ATG2A: variants seen among roughly 807,000 people sequenced by gnomAD.
ATG2A encodes the protein autophagy related 2A, also known as autophagy-related protein 2 homolog A.
Under a neutral mutation model 214.2 loss-of-function variants are expected in ATG2A, and 103 were observed. That is an observed-to-expected ratio of 0.48 (90% CI 0.41 to 0.57). ATG2A has a LOEUF of 0.57. Among genes scored for constraint, ATG2A ranks in the 20% least tolerant of loss-of-function variants. The pLI, the probability that ATG2A is intolerant of heterozygous loss-of-function variation, is 0.00. For synonymous variants in ATG2A, 1,160 were observed against 1,142.1 expected (o/e 1.02, Z -0.32); for missense variants, 2,312 against 2,613.2 (o/e 0.88, Z 2.51).
chr11:64,909,121 C>A lies in ATG2A; in HGVS notation c.2234G>T (p.Ser745Ile), dbSNP rs780973598. 1 of 1,611,922 alleles carries A rather than the reference C, an allele frequency of 6.2e-7. No homozygotes were observed. Among genetic ancestry groups the A allele is most frequent in the Admixed American group, 1.7e-5 (1 of 59,922 alleles). The change falls in exon 16 of 41, where the codon AGC (serine) becomes ATC (isoleucine). Residue 745 changes from serine to isoleucine, a missense_variant. Physicochemically the swap from Ser to Ile is moderately radical, Grantham distance 142. Coordinates refer to ENST00000377264, the MANE Select transcript of ATG2A (RefSeq NM_015104.3). ...QVVVTVNPQS[S>I]STQWEVAPEK... ...CGGGGCCACCTCCCACTGTGTGCTG[C>A]TGGACTGGGGGTTCACAGTCACCAC... is the stretch of plus-strand genomic sequence containing the variant.
Position 64,895,335 on chromosome 11 carries a change from G to C in ATG2A, c.5535C>G (p.Ala1845=). The C allele has an allele frequency of 6.2e-7, 1 of 1,613,402 alleles. No homozygotes were observed. The highest frequency in any genetic ancestry group is 8.5e-7 in the Non-Finnish European group (1 of 1,179,888). ...ARRLRRGQQP[A]DLREGVAKAY... Reference sequence around the variant, plus strand: ...CCTTGGCCACACCCTCCCGCAGGTCGGCAGGCTGCTGGCCCCTGCGCAGCC... The same window carrying C: ...CCTTGGCCACACCCTCCCGCAGGTCCGCAGGCTGCTGGCCCCTGCGCAGCC... The change falls in exon 40 of 41, where the codon GCC becomes GCG. Residue 1845 remains alanine, a synonymous_variant. Transcript: ENST00000377264. The surrounding 1 kb of genome is among the most constrained non-coding windows in gnomAD (Gnocchi z 5.0).
chr11:64,916,817 G>C lies in ATG2A; in HGVS notation c.171+148C>G, dbSNP rs766081898. 16 of 1,038,250 alleles carry C rather than the reference G, an allele frequency of 1.5e-5. 1 individual carries two copies. Among genetic ancestry groups the C allele is most frequent in the Non-Finnish European group, 2.2e-5 (16 of 735,920 alleles). 64.3% of individuals were successfully genotyped at this position (1,038,250 alleles called of 1,614,324 possible). The stretch of plus-strand genomic sequence containing the variant: ...GGTAAGGAACTGAAGAGGCCAGCCG[G>C]GGTGCCTCTGACGCCTGGAGAGGGC... On this transcript the variant is annotated intron_variant, in intron 1 of 40. Transcript: ENST00000377264.
At chr11:64,901,170 C>A in intron 29 of ATG2A, 78 bp from the exon 30 acceptor site, 1 of 1,403,134 alleles carries the variant, frequency 7.1e-7, no homozygotes, top group Non-Finnish European at 9.6e-7. Flanking sequence ...AACCTGGCCT[C>A]ACTTCTTTTT....
chr11:64,906,779 C>A lies in ATG2A; in HGVS notation c.2869G>T (p.Glu957Ter). 1 of 1,613,428 alleles carries A rather than the reference C, an allele frequency of 6.2e-7. No homozygotes were observed. The highest frequency in any genetic ancestry group is 8.5e-7 in the Non-Finnish European group (1 of 1,179,990). The change falls in exon 20 of 41, where the codon GAG becomes TAG. Residue 957 changes from glutamate (E) to a stop codon, truncating the protein, a stop_gained. Transcript: ENST00000377264. LOFTEE classifies it high-confidence loss of function. The stretch of plus-strand genomic sequence containing the variant: ...CCGTGCTCCATGTCCAGCACCAGCT[C>A]CCCGTGCACAGCCTCCAGCCGCTTC... ...GGKRLEAVHGELVLDMEHGTL... is the reference protein window; with the variant it reads ...GGKRLEAVHG
Position 64,914,371 on chromosome 11 carries a change from G to A in ATG2A, c.301C>T (p.Leu101Phe). ...TDHCTVRVSG[L>F]QLTLQPRRGP... ...CGGCGGGGCTGCAAGGTGAGCTGGA[G>A]GCCGGACACGCGCACTGTGCAGTGG... Residue 101 changes from leucine (L) to phenylalanine (F), a missense_variant, in exon 2 of 41, where the codon CTC (leucine) becomes TTC (phenylalanine). Leu to Phe is a conservative substitution (Grantham distance 22). Coordinates refer to ENST00000377264, the MANE Select transcript of ATG2A (RefSeq NM_015104.3). 2 of 1,609,876 alleles carry A rather than the reference G, an allele frequency of 1.2e-6. No individual in the cohort carries two copies. Among genetic ancestry groups the A allele is most frequent in the Non-Finnish European group, 1.7e-6 (2 of 1,178,724 alleles).
In ATG2A at chr11:64,907,350, C is replaced by T. The variant is rs574476492; in HGVS notation, c.2737G>A (p.Ala913Thr). The part of the protein sequence containing the change: ...SVGASGGPQA[A>T]APEAPSLHLQ... ...TGAAGACTTGGGGCCTCAGGGGCAG[C>T]GGCCTGTGGGCCACCTGATGCCCCC... Residue 913 changes from alanine to threonine, a missense_variant, in exon 19 of 41, where the codon GCT (alanine) becomes ACT (threonine). By Grantham distance (58) the Ala-to-Thr change is moderately conservative. Transcript: ENST00000377264. 15 of 1,556,190 alleles carry T rather than the reference C, an allele frequency of 9.6e-6. No individual in the cohort carries two copies. Among genetic ancestry groups the T allele is most frequent in the East Asian group, 4.8e-5 (2 of 41,314 alleles).
intron 12 of ATG2A, 140 bp from the exon 13 acceptor site, chr11:64,910,335 C>T (rs1470442915): frequency 1.5e-5 from 20 of 1,300,324 alleles, no homozygotes; most frequent in African/African-American, 6.0e-5. Context: ...CTTTGCCCGA[C>T]GCGCACAATG....
At chr11:64,902,456 A>G (rs1944387066) in intron 27 of ATG2A, 60 bp downstream of exon 27, 1 of 1,509,332 alleles carries the variant, frequency 6.6e-7, no homozygotes, top group Admixed American at 2.0e-5. Context: ...CCCGAGGGCC[A>G]TGGCAGGGGA....
At position 64,910,102 on chromosome 11, in the gene ATG2A, C is replaced by A. The variant is rs1465466528; in HGVS notation, c.1801G>T (p.Asp601Tyr). The A allele has an allele frequency of 6.2e-7, 1 of 1,611,062 alleles. No homozygotes were observed. Among genetic ancestry groups the A allele is most frequent in the Non-Finnish European group, 8.5e-7 (1 of 1,179,336 alleles). The change falls in exon 13 of 41, where the codon GAC (aspartate) becomes TAC (tyrosine). Residue 601 changes from aspartate (D) to tyrosine (Y), a missense_variant. Transcript: ENST00000377264. Reference protein sequence around the residue: ...FQADVELGALDRLAALLRLAT... With the variant: ...FQADVELGALYRLAALLRLAT... ...AGGCGCAGTAGGGCGGCCAGCCGGT[C>A]CAGGGCCCCCAGCTCCACGTCCGCC... is the stretch of plus-strand genomic sequence containing the variant.
intron 38 of ATG2A, 60 bp from the exon 39 acceptor site, chr11:64,896,676 A>C: frequency 2.5e-6 from 4 of 1,606,606 alleles, no homozygotes; most frequent in Non-Finnish European, 3.4e-6. Flanking sequence ...TCCTCCTCTT[A>C]TTCCCAATGG....
At position 64,913,070 on chromosome 11, in the gene ATG2A, A is replaced by T; in HGVS notation, c.793T>A (p.Leu265Met). 1 of 1,570,376 alleles carries T rather than the reference A, an allele frequency of 6.4e-7. No homozygotes were observed. Among genetic ancestry groups the T allele is most frequent in the Non-Finnish European group, 8.6e-7 (1 of 1,157,108 alleles). ...CCAGGGAAGGCCTCATTTTGCTTCA[A>T]CTTCACCATCAGCTCCATGTACCCT... ...CSGYMELMVK[L>M]KQNEAFPGPK... The change falls in exon 6 of 41, where the codon TTG becomes ATG. Residue 265 changes from leucine (L) to methionine (M), a missense_variant. Transcript: ENST00000377264. The surrounding 1 kb of genome is among the most constrained non-coding windows in gnomAD (Gnocchi z 4.3).
intron 37 of ATG2A, 119 bp from the exon 38 acceptor site, chr11:64,896,988 G>T: frequency 7.2e-7 from 1 of 1,383,288 alleles, no homozygotes; most frequent in Non-Finnish European, 9.7e-7. Flanking sequence ...TACCCTCCCT[G>T]TGGTCCCACC....
chr11:64,900,395 G>T, intron 31 of ATG2A, 99 bp downstream of exon 31: 1 of 1,571,190 alleles, frequency 6.4e-7, no homozygotes, highest in Non-Finnish European at 8.6e-7. Context: ...CAAAGGCAGG[G>T]GTTTTCCTCT....
chr11:64,916,274 C>T (rs1944980605), intron 1 of ATG2A, among the ~76,000 whole-genome samples: 2 of 152,152 alleles, frequency 1.3e-5, no homozygotes, highest in South Asian at 4.1e-4. Context: ...TCCAGGGCCT[C>T]CCTCCAGGCA....
rs61741548 is a variant in ATG2A at position 64,906,410 on chromosome 11, C to T, written c.3107G>A (p.Arg1036His). 1.1e-3 allele frequency: 1,828 copies of T among 1,613,210 alleles called. 5 individuals carry two copies. Among genetic ancestry groups the T allele is most frequent in the Middle Eastern group, 1.5e-3 (9 of 6,056 alleles). Residue 1036 changes from arginine (R) to histidine (H), a missense_variant, in exon 21 of 41, where the codon CGC becomes CAC. Coordinates refer to ENST00000377264, the MANE Select transcript of ATG2A (RefSeq NM_015104.3). ...EGVTERGASG[R>H]KGQGRGPHML... ...GTGGGGTCCCCGGCCCTGGCCCTTG[C>T]GGCCCGAGGCTCCCCGCTCGGTCAC...
chr11:64,912,499 C>T (rs1382879057), intron 6 of ATG2A, 76 bp from the exon 7 acceptor site: 14 of 1,288,872 alleles, frequency 1.1e-5, no homozygotes, highest in East Asian at 2.6e-5. Context: ...CGCCTGCCCT[C>T]GCCCTGGGAA....
chr11:64,906,459 T>C lies in ATG2A; in HGVS notation c.3058A>G (p.Thr1020Ala), dbSNP rs968290673. Residue 1020 changes from threonine (T) to alanine (A), a missense_variant, in exon 21 of 41, where the codon ACC (threonine) becomes GCC (alanine). Coordinates refer to ENST00000377264, the MANE Select transcript of ATG2A (RefSeq NM_015104.3). Reference sequence around the variant, plus strand: ...ACCCCTTCCTCCGATGGGTAGATGGTTGGGGCCAGCTGAGCCGGGGGAGCG... The same window carrying C: ...ACCCCTTCCTCCGATGGGTAGATGGCTGGGGCCAGCTGAGCCGGGGGAGCG... ...SFAPPAQLAP[T>A]IYPSEEGVTE... 3.1e-6 allele frequency: 5 copies of C among 1,613,098 alleles called. No individual in the cohort carries two copies. Among genetic ancestry groups the C allele is most frequent in the Non-Finnish European group, 3.4e-6 (4 of 1,179,970 alleles).
At chr11:64,902,431 T>A in intron 27 of ATG2A, 45 bp from the exon 28 acceptor site, 1 of 1,528,780 alleles carries the variant, frequency 6.5e-7, no homozygotes, top group Non-Finnish European at 8.8e-7. Flanking sequence ...AGGACAGAGC[T>A]CCCCCAACCC....
Position 64,902,511 on chromosome 11 carries a change from T to A in ATG2A, c.3777+5A>T. ...GTAGCCTGTGTGGCCAGGCCTCACCTGTACCTTCTGGCCGGCGATCTCCGT... is the reference window on the plus strand; with the variant it reads ...GTAGCCTGTGTGGCCAGGCCTCACCAGTACCTTCTGGCCGGCGATCTCCGT... On this transcript the variant is annotated splice_donor_5th_base_variant and intron_variant, in intron 27 of 40. Coordinates refer to ENST00000377264, the MANE Select transcript of ATG2A (RefSeq NM_015104.3). 6.5e-7 allele frequency: 1 copy of A among 1,543,148 alleles called. No individual in the cohort carries two copies. Among genetic ancestry groups the A allele is most frequent in the Non-Finnish European group, 8.7e-7 (1 of 1,145,070 alleles).
Sources: gnomAD v4.1 joint callset for allele counts (sites outside exome capture counted in the v4.1 genomes callset) on GRCh38, gnomAD v4.1.1 for gene constraint, Gnocchi (gnomAD v3.1) non-coding constraint, MANE v1.5 for transcripts, NCBI Gene and HGNC (gene_info 2026-07-23, HGNC 2026-07-21) for gene names.